MAP4K4: variants seen among roughly 807,000 people sequenced by gnomAD.
The protein encoded by MAP4K4 is mitogen-activated protein kinase kinase kinase kinase 4.
Under a neutral mutation model 189.6 loss-of-function variants are expected in MAP4K4, and 38 were observed. The observed-to-expected ratio is 0.20, with a 90% confidence interval of 0.15 to 0.26. MAP4K4 has a LOEUF of 0.26. Among genes scored for constraint, MAP4K4 ranks in the 10% least tolerant of loss-of-function variants. The probability of loss-of-function intolerance (pLI) is 1.00; values close to 1 mark genes in which losing one functional copy is unlikely to be tolerated. For synonymous variants in MAP4K4, 610 were observed against 624.3 expected (o/e 0.98, Z 0.34); for missense variants, 1,054 against 1,726.9 (o/e 0.61, Z 6.91).
At position 101,729,101 on chromosome 2, in the gene MAP4K4, A is replaced by AGAGAGAGAGTGTGTGT. The variant is rs149283961; in HGVS notation, c.123+30564_123+30565insAGAGAGAGTGTGTGTG. On this transcript the variant is annotated intron_variant, in intron 2 of 32. Transcript: ENST00000324219. ...AGGAGAGAGAGAGAGAGAGAGAGAG[A>AGAGAGAGAGTGTGTGT]GTGTGTGTGTGTGTGTGTGTGTGTG... 5.5e-3 allele frequency among the ~76,000 whole-genome samples: 715 copies of AGAGAGAGAGTGTGTGT among 130,544 alleles called. 9 individuals carry two copies. The highest frequency in any genetic ancestry group is 0.02 in the African/African-American group (656 of 32,150). The allele number at this position is 130,544 out of a possible 152,430, so 85.6% of individuals were successfully genotyped here. A position where few individuals can be genotyped will look rare whatever the true frequency, so the allele number is the denominator to read the frequency against.
At chr2:101,878,864 G>T (rs1188127911) in intron 27 of MAP4K4, among the ~76,000 whole-genome samples, 1 of 152,048 alleles carries the variant, frequency 6.6e-6, no homozygotes, top group Non-Finnish European at 1.5e-5. Context: ...TCTAATATAT[G>T]CTTTGGTTGT....
chr2:101,810,629 T>G (rs2095360704), intron 3 of MAP4K4, among the ~76,000 whole-genome samples: 1 of 152,174 alleles, frequency 6.6e-6, no homozygotes. Context: ...CTGAAGGATC[T>G]TAGCTCTGAA....
At chr2:101,730,257 C>CAT (rs555068874) in intron 2 of MAP4K4, among the ~76,000 whole-genome samples, 169 of 152,220 alleles carry the variant, frequency 1.1e-3, no homozygotes, top group African/African-American at 3.8e-3. Flanking sequence ...GGATTATATT[C>CAT]ATGATTTAAA....
chr2:101,736,213 G>A (rs1317888544), intron 2 of MAP4K4, among the ~76,000 whole-genome samples: 1 of 152,146 alleles, frequency 6.6e-6, no homozygotes, highest in Non-Finnish European at 1.5e-5. Context: ...AAATCAGTTC[G>A]ATCTGTCCAA....
At chr2:101,732,769 A>G (rs1412838111) in intron 2 of MAP4K4, among the ~76,000 whole-genome samples, 1 of 152,122 alleles carries the variant, frequency 6.6e-6, no homozygotes, top group Non-Finnish European at 1.5e-5. Context: ...TTGTATTTTT[A>G]GTAGAGACAG....
chr2:101,807,223 T>A (rs1282070920), intron 3 of MAP4K4, among the ~76,000 whole-genome samples: 4 of 152,008 alleles, frequency 2.6e-5, no homozygotes, highest in African/African-American at 4.8e-5. Flanking sequence ...GCTAATTTTT[T>A]ATTTTTTAAT....
intron 7 of MAP4K4, among the ~76,000 whole-genome samples, chr2:101,833,057 T>A (rs1338967334): frequency 1.3e-5 from 2 of 151,954 alleles, no homozygotes; most frequent in Non-Finnish European, 2.9e-5. Context: ...TTGCCAGGAG[T>A]GGCCACTGGG....
intron 2 of MAP4K4, among the ~76,000 whole-genome samples, chr2:101,777,764 G>A (rs1363720466): frequency 1.3e-5 from 2 of 152,112 alleles, no homozygotes; most frequent in Non-Finnish European, 2.9e-5. Context: ...CACAGATTTT[G>A]CACACTTTTG....
intron 5 of MAP4K4, among the ~76,000 whole-genome samples, chr2:101,826,745 A>G (rs2096376559): frequency 6.6e-6 from 1 of 152,172 alleles, no homozygotes; most frequent in Non-Finnish European, 1.5e-5. Context: ...TTCAGGACTT[A>G]CTTTCTCCTC....
intron 3 of MAP4K4, among the ~76,000 whole-genome samples, chr2:101,816,333 G>A (rs905828449): frequency 6.6e-6 from 1 of 152,148 alleles, no homozygotes; most frequent in South Asian, 2.1e-4. Context: ...ATGTAAGCAC[G>A]AGCTCTGGTG....
chr2:101,863,998 G>C (rs764233919), exon 17 of MAP4K4: 3 of 1,367,746 alleles, frequency 2.2e-6, no homozygotes, highest in Non-Finnish European at 2.9e-6. Context: ...AGAGGCGCCT[G>C]ACCCTACCCA....
exon 14 of MAP4K4, chr2:101,859,059 C>A (rs2097558526): frequency 3.7e-6 from 6 of 1,612,264 alleles, no homozygotes; most frequent in Non-Finnish European, 5.1e-6. Flanking sequence ...GCAGCAGCTG[C>A]TCCAGGAGCA....
chr2:101,838,660 AT>A (rs2096833734), intron 9 of MAP4K4, among the ~76,000 whole-genome samples: 1 of 152,190 alleles, frequency 6.6e-6, no homozygotes, highest in Non-Finnish European at 1.5e-5. Context: ...GTATACCTAA[AT>A]TTCTCCACTT....
intron 3 of MAP4K4, among the ~76,000 whole-genome samples, chr2:101,809,073 A>G (rs1242915916): frequency 2.0e-5 from 3 of 152,156 alleles, no homozygotes; most frequent in Non-Finnish European, 4.4e-5. Context: ...TTTATTTTAG[A>G]AAGATTTCTC....
intron 1 of MAP4K4, 148 bp from the exon 2 acceptor site, chr2:101,698,325 C>A: frequency 1.3e-6 from 1 of 799,380 alleles, no homozygotes; most frequent in Non-Finnish European, 2.1e-6. Flanking sequence ...ACGCCCCGAG[C>A]CCGCCGCGCG....
intron 2 of MAP4K4, among the ~76,000 whole-genome samples, chr2:101,733,426 A>G (rs1330990145): frequency 6.6e-6 from 1 of 152,208 alleles, no homozygotes; most frequent in Non-Finnish European, 1.5e-5. Context: ...TCATGCAGCA[A>G]GTTAGTGTCA....
chr2:101,779,708 A>G (rs2086279184), intron 2 of MAP4K4, among the ~76,000 whole-genome samples: 1 of 152,112 alleles, frequency 6.6e-6, no homozygotes, highest in African/African-American at 2.4e-5. Flanking sequence ...CTGGCTTTGG[A>G]AACCTGAGTT....
At chr2:101,797,898 T>G (rs1276047433) in intron 3 of MAP4K4, among the ~76,000 whole-genome samples, 2 of 128,326 alleles carry the variant, frequency 1.6e-5, no homozygotes, top group South Asian at 2.8e-4. Context: ...AGTTTTTTTT[T>G]TTTTTTTTTT....
rs191507917 is a variant in MAP4K4 at position 101,797,353 on chromosome 2, A to G, written c.180+6577A>G. On this transcript the variant is annotated intron_variant, in intron 3 of 32. Transcript: ENST00000324219. ...CCTGTGCTTTGCATGACTCTGGCAG[A>G]CTTACCACAGGATCATTCAACGTTG... 2.4e-5 allele frequency: 31 copies of G among 1,290,812 alleles called. 1 individual carries two copies. In the South Asian group the frequency reaches 2.7e-4, roughly 11 times the overall value. The allele number at this position is 1,290,812 out of a possible 1,614,324, so 80.0% of individuals were successfully genotyped here.
Sources: allele counts gnomAD v4.1 joint callset (sites outside exome capture counted in the v4.1 genomes callset), GRCh38; gene constraint gnomAD v4.1.1; transcripts MANE v1.5; gene names NCBI Gene and HGNC (gene_info 2026-07-23, HGNC 2026-07-21).